Variants in GRID2 observed in about 807,000 individuals in gnomAD.
The protein encoded by GRID2 is glutamate ionotropic receptor delta type subunit 2.
In GRID2, 33 loss-of-function variants were observed where a neutral mutation model predicts 114.8. The ratio of observed to expected loss-of-function variants is 0.29; its 90% confidence interval spans 0.22 to 0.38. GRID2 has a LOEUF of 0.38. Ranked by LOEUF, GRID2 falls within the 10% of genes least tolerant of loss-of-function variation. GRID2 has a pLI of 1.00. For missense variants in GRID2, 1,184 were observed against 1,257.7 expected (o/e 0.94, Z 0.89); for synonymous variants, 505 against 449.9 (o/e 1.12, Z -1.55).
chr4:92,792,542 C>T (rs1340044109), intron 2 of GRID2, among the ~76,000 whole-genome samples: 2 of 151,444 alleles, frequency 1.3e-5, no homozygotes, highest in African/African-American at 2.4e-5. Context: ...TAGCTTTTGT[C>T]CCCCAAAGTT....
chr4:92,853,518 A>T (rs545983047), intron 2 of GRID2, among the ~76,000 whole-genome samples: 2 of 151,998 alleles, frequency 1.3e-5, no homozygotes, highest in Non-Finnish European at 2.9e-5. Flanking sequence ...ATGACATTTT[A>T]TCTCACCAGA....
At chr4:93,522,667 A>G (rs930789889) in intron 13 of GRID2, among the ~76,000 whole-genome samples, 2 of 152,162 alleles carry the variant, frequency 1.3e-5, no homozygotes, top group Non-Finnish European at 2.9e-5. Flanking sequence ...GGTGGCAGGA[A>G]CAATGCATTG....
intron 2 of GRID2, among the ~76,000 whole-genome samples, chr4:92,924,438 G>A (rs41395653): frequency 0.13 from 20,231 of 151,798 alleles, 1,772 homozygotes; most frequent in African/African-American, 0.24. Flanking sequence ...TCTAAAGTGA[G>A]GGTCTGCTGA....
intron 7 of GRID2, among the ~76,000 whole-genome samples, chr4:93,226,662 C>T (rs1481685330): frequency 2.0e-5 from 3 of 152,066 alleles, no homozygotes; most frequent in Non-Finnish European, 4.4e-5. Flanking sequence ...GGTCCCACTT[C>T]CATAGCTCCA....
chr4:92,806,688 T>C (rs954997191), intron 2 of GRID2, among the ~76,000 whole-genome samples: 6 of 151,992 alleles, frequency 3.9e-5, no homozygotes, highest in African/African-American at 1.4e-4. Flanking sequence ...TTTCATAGTT[T>C]GAAAAAATAA....
chr4:92,639,371 TGAA>T (rs1731235079), intron 2 of GRID2, among the ~76,000 whole-genome samples: 1 of 151,768 alleles, frequency 6.6e-6, no homozygotes, highest in Non-Finnish European at 1.5e-5. Context: ...TAAAAACAAA[TGAA>T]GATTAATTGA....
intron 1 of GRID2, among the ~76,000 whole-genome samples, chr4:92,334,873 A>G (rs775713736): frequency 3.3e-5 from 5 of 152,262 alleles, no homozygotes; most frequent in Non-Finnish European, 5.9e-5. Context: ...AGAAAATCAC[A>G]GAGGAACAGA....
intron 13 of GRID2, among the ~76,000 whole-genome samples, chr4:93,524,029 A>G (rs1459286168): frequency 2.0e-5 from 3 of 152,080 alleles, no homozygotes; most frequent in African/African-American, 7.2e-5. Context: ...AAAGTAGATG[A>G]CAATTAATGA....
rs541299890 is a variant in GRID2 at position 92,343,029 on chromosome 4, A to G, written c.88+38285A>G. On this transcript the variant is annotated intron_variant, in intron 1 of 15. Coordinates refer to ENST00000282020, the MANE Select transcript of GRID2 (RefSeq NM_001510.4). ...AATATGAACTGAAAGATATAAACTG[A>G]GTATTCCCTATAGTCCTATGGGGAA... 2.6e-5 allele frequency among the ~76,000 whole-genome samples: 4 copies of G among 152,330 alleles called. No homozygotes were observed. In the South Asian group the frequency reaches 8.3e-4, roughly 32 times the overall value.
At chr4:93,054,478 C>T (rs756024044) in intron 2 of GRID2, among the ~76,000 whole-genome samples, 4 of 151,532 alleles carry the variant, frequency 2.6e-5, no homozygotes, top group Non-Finnish European at 5.9e-5. Context: ...ATTTGTATAC[C>T]ATTTGTGTCC....
At chr4:92,889,482 C>T (rs1196093188) in intron 2 of GRID2, among the ~76,000 whole-genome samples, 1 of 152,084 alleles carries the variant, frequency 6.6e-6, no homozygotes, top group Non-Finnish European at 1.5e-5. Flanking sequence ...CAATAATAGA[C>T]AAACAGAAAG....
chr4:93,735,316 G>A (rs1329700158), intron 14 of GRID2, among the ~76,000 whole-genome samples: 1 of 151,940 alleles, frequency 6.6e-6, no homozygotes, highest in East Asian at 1.9e-4. Flanking sequence ...TATTCAAAAA[G>A]GACTTTTTCT....
chr4:93,808,218 G>A (rs1057346356), exon 2 of GRID2: 14 of 152,098 alleles, frequency 9.2e-5, no homozygotes, highest in African/African-American at 2.9e-4. Flanking sequence ...GCTGCTCACA[G>A]GTGAAAATCA....
intron 14 of GRID2, among the ~76,000 whole-genome samples, chr4:93,759,124 A>T (rs565790619): frequency 6.6e-6 from 1 of 152,064 alleles, no homozygotes; most frequent in Non-Finnish European, 1.5e-5. Flanking sequence ...TGAGTGCTTG[A>T]CTTTTACTGC....
intron 14 of GRID2, among the ~76,000 whole-genome samples, chr4:93,654,638 A>C (rs1578487877): frequency 6.6e-6 from 1 of 152,310 alleles, no homozygotes; most frequent in Admixed American, 6.5e-5. Context: ...AGAGAATAAA[A>C]ATAGAATAAA....
chr4:93,447,549 T>G (rs1247321204), intron 10 of GRID2, among the ~76,000 whole-genome samples: 3 of 152,094 alleles, frequency 2.0e-5, no homozygotes, highest in South Asian at 4.1e-4. Flanking sequence ...TCGTAATTAT[T>G]TGAAAGAAAC....
At chr4:93,394,372 G>A (rs781037958) in intron 8 of GRID2, among the ~76,000 whole-genome samples, 1 of 151,876 alleles carries the variant, frequency 6.6e-6, no homozygotes, top group Non-Finnish European at 1.5e-5. Context: ...AGCTGGCTCT[G>A]CTGTTTATAC....
At chr4:93,250,143 C>T (rs1748690617) in intron 8 of GRID2, among the ~76,000 whole-genome samples, 1 of 152,180 alleles carries the variant, frequency 6.6e-6, no homozygotes, top group African/African-American at 2.4e-5. Context: ...GGCACATAAA[C>T]ACCATGCAAT....
At chr4:92,585,557 AT>A (rs1463927872) in intron 1 of GRID2, among the ~76,000 whole-genome samples, 1 of 152,016 alleles carries the variant, frequency 6.6e-6, no homozygotes, top group East Asian at 1.9e-4. Flanking sequence ...TGGTTTCAAT[AT>A]TTAGAGTCTT....
Sources: allele counts gnomAD v4.1 joint callset (sites outside exome capture counted in the v4.1 genomes callset), GRCh38; gene constraint gnomAD v4.1.1; transcripts MANE v1.5; gene names NCBI Gene and HGNC (gene_info 2026-07-23, HGNC 2026-07-21).